Variants in SRSF6 observed in about 807,000 individuals in gnomAD.
The protein encoded by SRSF6 is serine/arginine-rich splicing factor 6.
SRSF6 carries 17 observed loss-of-function variants against 42.0 expected under a neutral mutation model. The observed-to-expected ratio is 0.40, with a 90% CI of 0.28 to 0.61. The LOEUF is 0.61. SRSF6 is among the 20% of genes least tolerant of loss of function. The pLI is 0.37. For synonymous variants in SRSF6, 204 were observed against 166.7 expected (o/e 1.22, Z -1.72); for missense variants, 379 against 471.4 (o/e 0.80, Z 1.81).
Position 43,463,163 on chromosome 20 carries a change from C to G in SRSF6, c.*2100C>G. ...TTGTTAGCTGCCACAGTAAGCAGGTCATTGTATAGGTAAATGCCTGCACCC... is the reference window on the plus strand; with the variant it reads ...TTGTTAGCTGCCACAGTAAGCAGGTGATTGTATAGGTAAATGCCTGCACCC... On this transcript the variant is annotated 3_prime_UTR_variant, in exon 6 of 6. Transcript: ENST00000244020. 6.5e-6 allele frequency: 1 copy of G among 154,332 alleles called. No individual in the cohort carries two copies. Among genetic ancestry groups the G allele is most frequent in the Middle Eastern group, 6.2e-4 (1 of 1,610 alleles). The allele number at this position is 154,332 out of a possible 1,614,324, so 9.6% of individuals were successfully genotyped here.
In SRSF6 at chr20:43,458,073, C is replaced by G. The variant is rs754470243; in HGVS notation, c.40C>G (p.Arg14Gly). The change falls in exon 1 of 6, where the codon CGG (arginine) becomes GGG (glycine). Residue 14 changes from arginine to glycine, a missense_variant. Arg to Gly is a moderately radical substitution (Grantham distance 125). Coordinates refer to ENST00000244020, the MANE Select transcript of SRSF6 (RefSeq NM_006275.6). ...VYIGRLSYNV[R>G]EKDIQRFFSG... ...CATAGGACGCCTGAGCTACAACGTC[C>G]GGGAGAAGGACATCCAGCGCTTTTT... The G allele has an allele frequency of 1.9e-6, 3 of 1,613,448 alleles. No individual in the cohort carries two copies. The highest frequency in any genetic ancestry group is 2.5e-6 in the Non-Finnish European group (3 of 1,179,612).
rs1227732879 is a variant in SRSF6, at chr20:43,464,221, A to G, written c.*3158A>G. On this transcript the variant is annotated 3_prime_UTR_variant, in exon 6 of 6. Transcript: ENST00000244020. The stretch of plus-strand genomic sequence containing the variant: ...TTACTTTCAAGATTCAACATTACAC[A>G]ATAAAACTTAGAGTTCTTGCAATAG... 1 of 152,260 alleles carries G rather than the reference A, an allele frequency of 6.6e-6. No individual in the cohort carries two copies. Among genetic ancestry groups the G allele is most frequent in the Admixed American group, 6.5e-5 (1 of 15,288 alleles). The allele number at this position is 152,260 out of a possible 1,614,324, so 9.4% of individuals were successfully genotyped here. A position where few individuals can be genotyped will look rare whatever the true frequency, so the allele number is the denominator to read the frequency against.
At position 43,459,814 on chromosome 20, in the gene SRSF6, C is replaced by T. The variant is rs751031485; in HGVS notation, c.300C>T (p.Asp100=). The part of the protein sequence containing the change: ...GYSSRRTSGR[D]KYGPPVRTEY... ...GCAGTCGGAGAACATCTGGCAGAGA[C>T]AAATACGGACCACCTGTTCGTACAG... The change falls in exon 3 of 6, where the codon GAC becomes GAT. Residue 100 remains aspartate (D), a synonymous_variant. Coordinates refer to ENST00000244020, the MANE Select transcript of SRSF6 (RefSeq NM_006275.6). The T allele has an allele frequency of 1.9e-5, 30 of 1,613,864 alleles. No homozygotes were observed. Among genetic ancestry groups the T allele is most frequent in the Middle Eastern group, 1.7e-4 (1 of 5,832 alleles).
At chr20:43,459,057 TGG>T in intron 2 of SRSF6, 3 of 1,155,454 alleles carry the variant, frequency 2.6e-6, no homozygotes, top group Non-Finnish European at 3.5e-6. Flanking sequence ...GGGAGGAGGT[TGG>T]GGGGATTTTT....
In SRSF6 at chr20:43,461,934, G is replaced by GTTC. The variant is rs1353903661; in HGVS notation, c.*872_*874dup. ...CTCAGCATAATTAGTGTTGAGAGTG[G>GTTC]TTCAGTTGTCTTTAATGTTTGTCAT... On this transcript the variant is annotated 3_prime_UTR_variant, in exon 6 of 6. Coordinates refer to ENST00000244020, the MANE Select transcript of SRSF6 (RefSeq NM_006275.6). 2 of 152,192 alleles carry GTTC rather than the reference G, an allele frequency of 1.3e-5. No individual in the cohort carries two copies. The highest frequency in any genetic ancestry group is 4.8e-5 in the African/African-American group (2 of 41,448). 9.4% of individuals were successfully genotyped at this position (152,192 alleles called of 1,614,324 possible).
At position 43,462,598 on chromosome 20, in the gene SRSF6, C is replaced by G. The variant is rs914172165; in HGVS notation, c.*1535C>G. 1 of 152,026 alleles carries G rather than the reference C, an allele frequency of 6.6e-6. No individual in the cohort carries two copies. The highest frequency in any genetic ancestry group is 1.5e-5 in the Non-Finnish European group (1 of 68,012). The allele number at this position is 152,026 out of a possible 1,614,324, so 9.4% of individuals were successfully genotyped here. Reference sequence around the variant, plus strand: ...ATATTCTAGGGTTGGTTTGTAGATTCAAATAATCCAGAAATATACCTAATA... The same window carrying G: ...ATATTCTAGGGTTGGTTTGTAGATTGAAATAATCCAGAAATATACCTAATA... On this transcript the variant is annotated 3_prime_UTR_variant, in exon 6 of 6. Transcript: ENST00000244020.
chr20:43,458,231 C>T (rs954122327), intron 1 of SRSF6, 91 bp downstream of exon 1: 10 of 1,461,024 alleles, frequency 6.8e-6, no homozygotes, highest in African/African-American at 1.5e-5. Flanking sequence ...GCCGCGGCGC[C>T]GCGTGGCAGG....
At chr20:43,458,719 C>T (rs1406420936) in intron 2 of SRSF6, among the ~76,000 whole-genome samples, 2 of 152,200 alleles carry the variant, frequency 1.3e-5, no homozygotes, top group African/African-American at 2.4e-5. Context: ...GTTTATTTGC[C>T]AAGTTGGGAG....
chr20:43,459,687 G>T, intron 2 of SRSF6, 84 bp from the exon 3 acceptor site: 1 of 1,594,544 alleles, frequency 6.3e-7, no homozygotes, highest in African/African-American at 1.3e-5. Context: ...GTAAATAAAA[G>T]TTGATATGTT....
chr20:43,458,199 T>C, intron 1 of SRSF6, 59 bp downstream of exon 1: 11 of 1,556,260 alleles, frequency 7.1e-6, no homozygotes, highest in East Asian at 2.4e-5. Context: ...GCGGGAACTC[T>C]CCAAGGAAAG....
At chr20:43,459,086 T>G (rs553799302) in intron 2 of SRSF6, 1 of 1,322,274 alleles carries the variant, frequency 7.6e-7, no homozygotes, top group African/African-American at 1.5e-5. Flanking sequence ...GTTAAATGTT[T>G]GATGTTTAAA....
rs1392564678 is a variant in SRSF6, at chr20:43,463,996, T to C, written c.*2933T>C. On this transcript the variant is annotated 3_prime_UTR_variant, in exon 6 of 6. Transcript: ENST00000244020. ...CTTGTATCTGCTCAAGAGATTTCTATGATCATATAAAAATGCCTTTTTAGG... is the reference window on the plus strand; with the variant it reads ...CTTGTATCTGCTCAAGAGATTTCTACGATCATATAAAAATGCCTTTTTAGG... 1 of 152,240 alleles carries C rather than the reference T, an allele frequency of 6.6e-6. No homozygotes were observed. Among genetic ancestry groups the C allele is most frequent in the Non-Finnish European group, 1.5e-5 (1 of 68,040 alleles). 9.4% of individuals were successfully genotyped at this position (152,240 alleles called of 1,614,324 possible).
intron 4 of SRSF6, 86 bp from the exon 5 acceptor site, chr20:43,460,429 T>A: frequency 6.8e-7 from 1 of 1,472,326 alleles, no homozygotes; most frequent in South Asian, 1.2e-5. Flanking sequence ...AAAAACATTA[T>A]TCTTTGGCTT....
In SRSF6 at chr20:43,458,521, C is replaced by A. The variant is rs1372360299; in HGVS notation, c.256+12C>A. ...CTACGGAAGCCGCAGTGAGTCCCAC[C>A]CCCGCGCGCTCCGCGCCCTTGGGGA... On this transcript the variant is annotated intron_variant, in intron 2 of 5. Transcript: ENST00000244020. The A allele has an allele frequency of 2.7e-6, 4 of 1,484,804 alleles. No homozygotes were observed. In the African/African-American group the frequency reaches 4.4e-5, roughly 16 times the overall value. The allele number at this position is 1,484,804 out of a possible 1,614,324, so 92.0% of individuals were successfully genotyped here.
At position 43,458,393 on chromosome 20, in the gene SRSF6, A is replaced by G; in HGVS notation, c.140A>G (p.Asp47Gly). 1.3e-6 allele frequency: 2 copies of G among 1,555,546 alleles called. No individual in the cohort carries two copies. The highest frequency in any genetic ancestry group is 1.7e-6 in the Non-Finnish European group (2 of 1,154,920). Residue 47 changes from aspartate to glycine, a missense_variant, in exon 2 of 6, where the codon GAC becomes GGC. This residue lies in a region of SRSF6 where 117 missense variants were observed against 146.8 expected (regional missense o/e 0.80). Transcript: ENST00000244020. ...TTCGTGGAGTTCGAGGACTCCCGCG[A>G]CGCCGACGACGCCGTTTACGAGCTG... ...YGFVEFEDSR[D>G]ADDAVYELNG... is the part of the protein sequence containing the mutation.
rs1568902318 is a variant in SRSF6 at position 43,461,926 on chromosome 20, TGA to T, written c.*867_*868del. 1 of 152,192 alleles carries T rather than the reference TGA, an allele frequency of 6.6e-6. No homozygotes were observed. The highest frequency in any genetic ancestry group is 1.5e-5 in the Non-Finnish European group (1 of 68,022). 9.4% of individuals were successfully genotyped at this position (152,192 alleles called of 1,614,324 possible). On this transcript the variant is annotated 3_prime_UTR_variant, in exon 6 of 6. Transcript: ENST00000244020. ...TGGAAGTTCTCAGCATAATTAGTGT[TGA>T]GAGTGGTTCAGTTGTCTTTAATGTT...
At chr20:43,460,323 T>A in intron 4 of SRSF6, 82 bp downstream of exon 4, 1 of 1,492,104 alleles carries the variant, frequency 6.7e-7, no homozygotes, top group Non-Finnish European at 9.2e-7. Context: ...AATTGTTGCC[T>A]ACTTGAATTA....
chr20:43,462,236 C>T lies in SRSF6; in HGVS notation c.*1173C>T, dbSNP rs558882960. ...AACGCAAAACTTTTGTACTTTATTA[C>T]GAGTAAAGTGTAATGAGTACTGTGG... On this transcript the variant is annotated 3_prime_UTR_variant, in exon 6 of 6. Transcript: ENST00000244020. 2 of 152,168 alleles carry T rather than the reference C, an allele frequency of 1.3e-5. No homozygotes were observed. Among genetic ancestry groups the T allele is most frequent in the South Asian group, 2.1e-4 (1 of 4,824 alleles). 9.4% of individuals were successfully genotyped at this position (152,168 alleles called of 1,614,324 possible).
At position 43,461,521 on chromosome 20, in the gene SRSF6, A is replaced by G. The variant is rs1827102497; in HGVS notation, c.*458A>G. Reference sequence around the variant, plus strand: ...GTTGGCTTTTTATAAAGCTTGAGTTATGTAAGATTTAAATAAAAGTTTGCT... The same window carrying G: ...GTTGGCTTTTTATAAAGCTTGAGTTGTGTAAGATTTAAATAAAAGTTTGCT... On this transcript the variant is annotated 3_prime_UTR_variant, in exon 6 of 6. Coordinates refer to ENST00000244020, the MANE Select transcript of SRSF6 (RefSeq NM_006275.6). The G allele has an allele frequency of 6.5e-6, 1 of 152,872 alleles. No individual in the cohort carries two copies. Among genetic ancestry groups the G allele is most frequent in the Admixed American group, 6.6e-5 (1 of 15,262 alleles). The allele number at this position is 152,872 out of a possible 1,614,324, so 9.5% of individuals were successfully genotyped here. A position where few individuals can be genotyped will look rare whatever the true frequency, so the allele number is the denominator to read the frequency against.
Sources: gnomAD v4.1 joint callset for allele counts (sites outside exome capture counted in the v4.1 genomes callset) on GRCh38, gnomAD v4.1.1 for gene constraint, gnomAD v4.1.1 regional missense constraint, MANE v1.5 for transcripts, NCBI Gene and HGNC (gene_info 2026-07-23, HGNC 2026-07-21) for gene names.